The following COL11A1 variants were observed in gnomAD, a reference collection of about 807,000 sequenced individuals.
COL11A1 encodes collagen type XI alpha 1 chain, also known as collagen alpha-1(XI) chain.
In COL11A1, 74 loss-of-function variants were observed where a neutral mutation model predicts 265.2. That is an observed-to-expected ratio of 0.28 (90% CI 0.23 to 0.34). COL11A1 has a LOEUF of 0.34. Ranked by LOEUF, COL11A1 falls within the 10% of genes least tolerant of loss-of-function variation. The pLI, the probability that COL11A1 is intolerant of heterozygous loss-of-function variation, is 1.00. For synonymous variants in COL11A1, 816 were observed against 727.6 expected, an observed-to-expected ratio of 1.12 and a Z score of -1.96; for missense variants, 2,165 against 2,263.6, an observed-to-expected ratio of 0.96 and a Z score of 0.88.
chr1:103,078,669 G>T lies in COL11A1; in HGVS notation c.477C>A (p.Ile159=), dbSNP rs769155547. Residue 159 remains isoleucine, a synonymous_variant, in exon 3 of 67, where the codon ATC becomes ATA. Transcript: ENST00000370096. ...ATTTTGTTACTTACTTCCCGTCAGC[G>T]ATGTTAACAGTTCTGAAGAGGGGAT... ...EDYPLFRTVN[I]ADGKWHRVAI... is the part of the protein sequence containing the mutation. 3 of 1,613,066 alleles carry T rather than the reference G, an allele frequency of 1.9e-6. No individual in the cohort carries two copies. Among genetic ancestry groups the T allele is most frequent in the South Asian group, 2.2e-5 (2 of 91,072 alleles).
intron 14 of COL11A1, among the ~76,000 whole-genome samples, chr1:103,012,022 A>T (rs926179587): frequency 6.6e-6 from 1 of 152,152 alleles, no homozygotes; most frequent in African/African-American, 2.4e-5. Context: ...TTGTGTCATA[A>T]TTTTCATTGG....
intron 5 of COL11A1, among the ~76,000 whole-genome samples, chr1:103,027,057 C>A (rs1226057474): frequency 6.6e-6 from 1 of 151,424 alleles, no homozygotes; most frequent in Non-Finnish European, 1.5e-5. Flanking sequence ...CTGCCTTTTT[C>A]TCTATTAAAA....
chr1:102,960,487 T>TG (rs36115713), intron 41 of COL11A1, among the ~76,000 whole-genome samples: 85 of 119,816 alleles, frequency 7.1e-4, no homozygotes, highest in African/African-American at 9.3e-4. Flanking sequence ...GGTGTGTGTG[T>TG]GGGGGGGGGA....
At chr1:103,015,240 A>G (rs1666467087) in intron 12 of COL11A1, among the ~76,000 whole-genome samples, 1 of 152,056 alleles carries the variant, frequency 6.6e-6, no homozygotes, top group Non-Finnish European at 1.5e-5. Context: ...CAGGGCAACA[A>G]AAACTTTACA....
chr1:102,915,303 C>T (rs762338331), intron 50 of COL11A1, among the ~76,000 whole-genome samples: 8 of 150,238 alleles, frequency 5.3e-5, no homozygotes, highest in South Asian at 2.1e-4. Flanking sequence ...AGTCACAATA[C>T]AATTGACACG....
chr1:103,022,887 C>T lies in COL11A1; in HGVS notation c.1100G>A (p.Gly367Asp), dbSNP rs1402186540. Residue 367 changes from glycine to aspartate, a missense_variant, in exon 8 of 67, where the codon GGC (glycine) becomes GAC (aspartate). Coordinates refer to ENST00000370096, the MANE Select transcript of COL11A1 (RefSeq NM_001854.4). ...ATCTACCAGAAGATCAGAATCCCTGCCGTCTATTTCTTTGTTTTCATATAG... is the reference window on the plus strand; with the variant it reads ...ATCTACCAGAAGATCAGAATCCCTGTCGTCTATTTCTTTGTTTTCATATAG... ...DTLYENKEIDGRDSDLLVDGD... is the reference protein window; with the variant it reads ...DTLYENKEIDDRDSDLLVDGD... 51 of 1,613,738 alleles carry T rather than the reference C, an allele frequency of 3.2e-5. No individual in the cohort carries two copies. The highest frequency in any genetic ancestry group is 4.0e-5 in the Non-Finnish European group (47 of 1,179,966).
chr1:102,911,384 T>C (rs1654659485), intron 54 of COL11A1, among the ~76,000 whole-genome samples: 1 of 152,126 alleles, frequency 6.6e-6, no homozygotes, highest in Non-Finnish European at 1.5e-5. Flanking sequence ...TAGAAAACAG[T>C]AGTGGCCCCA....
chr1:103,002,910 G>C, intron 21 of COL11A1, 119 bp from the exon 22 acceptor site: 1 of 985,368 alleles, frequency 1.0e-6, no homozygotes, highest in Non-Finnish European at 1.6e-6. Flanking sequence ...AATCATTTTA[G>C]GATTTAATGG....
At chr1:102,991,353 A>C (rs1664108074) in intron 28 of COL11A1, among the ~76,000 whole-genome samples, 1 of 152,188 alleles carries the variant, frequency 6.6e-6, no homozygotes, top group South Asian at 2.1e-4. Context: ...TCTCTTTAAA[A>C]TACAAAACTG....
intron 54 of COL11A1, 103 bp downstream of exon 54, chr1:102,912,056 C>T: frequency 2.1e-6 from 2 of 944,504 alleles, no homozygotes; most frequent in Non-Finnish European, 3.2e-6. Context: ...TGATATTTCT[C>T]ATTATTCTTA....
intron 20 of COL11A1, 59 bp downstream of exon 20, chr1:103,004,385 C>T: frequency 8.2e-7 from 1 of 1,218,302 alleles, no homozygotes; most frequent in East Asian, 2.4e-5. Context: ...ATGTGTAACA[C>T]CAGTCACTAG....
chr1:103,088,029 C>T (rs1272006243), intron 1 of COL11A1, among the ~76,000 whole-genome samples: 2 of 152,144 alleles, frequency 1.3e-5, no homozygotes, highest in Non-Finnish European at 2.9e-5. Flanking sequence ...CTCTTAAACA[C>T]CACCACCCTT....
chr1:103,073,084 C>T (rs1671710274), intron 4 of COL11A1, among the ~76,000 whole-genome samples: 1 of 151,740 alleles, frequency 6.6e-6, no homozygotes, highest in East Asian at 1.9e-4. Flanking sequence ...TTATTTTTCA[C>T]TACTCACTGT....
At chr1:102,886,634 C>A (rs982944353) in intron 63 of COL11A1, among the ~76,000 whole-genome samples, 173 bp downstream of exon 63, 6 of 152,086 alleles carry the variant, frequency 3.9e-5, no homozygotes, top group African/African-American at 1.4e-4. Flanking sequence ...TTTTCCAAAG[C>A]AAATCTTGAT....
Position 102,971,108 on chromosome 1 carries a change from AC to A in COL11A1, c.2809-837del, listed in dbSNP as rs142048073. 7.2e-3 allele frequency among the ~76,000 whole-genome samples: 1,095 copies of A among 152,348 alleles called. 13 individuals are homozygous for A. The highest frequency in any genetic ancestry group is 0.025 in the African/African-American group (1,040 of 41,578). On this transcript the variant is annotated intron_variant, in intron 36 of 66. Coordinates refer to ENST00000370096, the MANE Select transcript of COL11A1 (RefSeq NM_001854.4). ...TCTCAAATTTTTTCAAGTAAAGGAA[AC>A]AATACGTTATACTCAATTCTAGAAG...
intron 4 of COL11A1, among the ~76,000 whole-genome samples, chr1:103,038,413 C>T (rs1668542788): frequency 6.6e-6 from 1 of 151,966 alleles, no homozygotes; most frequent in Non-Finnish European, 1.5e-5. Context: ...TACAGTGAGC[C>T]AAGATCGCGC....
intron 54 of COL11A1, among the ~76,000 whole-genome samples, chr1:102,905,657 A>C (rs764178208): frequency 6.6e-6 from 1 of 152,124 alleles, no homozygotes; most frequent in Non-Finnish European, 1.5e-5. Context: ...TAAAATATAC[A>C]TGAAGTTGTC....
chr1:103,080,834 G>A (rs1024854920), intron 2 of COL11A1, among the ~76,000 whole-genome samples: 1 of 151,836 alleles, frequency 6.6e-6, no homozygotes, highest in African/African-American at 2.4e-5. Context: ...CAATCAGTAT[G>A]TCAAAGAGAT....
intron 63 of COL11A1, among the ~76,000 whole-genome samples, chr1:102,884,153 T>G (rs182153738): frequency 7.9e-5 from 12 of 152,208 alleles, no homozygotes; most frequent in African/African-American, 2.9e-4. Context: ...GCAGTTTTTC[T>G]CTGACCTCTG....
Sources: allele counts gnomAD v4.1 joint callset (sites outside exome capture counted in the v4.1 genomes callset), GRCh38; gene constraint gnomAD v4.1.1; transcripts MANE v1.5; gene names NCBI Gene and HGNC (gene_info 2026-07-23, HGNC 2026-07-21).